The following CCDC192 variants were observed in gnomAD, a reference collection of about 807,000 sequenced individuals.
CCDC192 encodes coiled-coil domain-containing protein 192.
intron 5 of CCDC192, among the ~76,000 whole-genome samples, chr5:127,858,651 G>A (rs975985632): frequency 7.2e-5 from 11 of 152,128 alleles, no homozygotes; most frequent in Admixed American, 5.2e-4. Context: ...GTTTGTCTGC[G>A]ATAAACAAAT....
intron 3 of CCDC192, among the ~76,000 whole-genome samples, chr5:127,792,242 C>T (rs181410953): frequency 3.3e-5 from 5 of 152,184 alleles, no homozygotes; most frequent in South Asian, 2.1e-4. Flanking sequence ...AACATGACTA[C>T]GAGGCCTCAG....
intron 6 of CCDC192, among the ~76,000 whole-genome samples, chr5:127,879,071 T>C (rs896870072): frequency 5.9e-5 from 9 of 151,748 alleles, no homozygotes; most frequent in Non-Finnish European, 1.2e-4. Flanking sequence ...CCTGAGACTT[T>C]GCTGAAGTTG....
At chr5:127,918,864 T>TGC (rs397725026) in intron 6 of CCDC192, among the ~76,000 whole-genome samples, 1 of 151,844 alleles carries the variant, frequency 6.6e-6, no homozygotes, top group East Asian at 1.9e-4. Flanking sequence ...TGCATGTGTG[T>TGC]ATATATGTAT....
At chr5:127,779,259 T>C (rs1054953073) in intron 3 of CCDC192, among the ~76,000 whole-genome samples, 1 of 152,180 alleles carries the variant, frequency 6.6e-6, no homozygotes, top group African/African-American at 2.4e-5. Context: ...ACATTTTATA[T>C]GTGCATATAT....
At chr5:127,876,098 A>G (rs1241144621) in intron 6 of CCDC192, among the ~76,000 whole-genome samples, 1 of 146,992 alleles carries the variant, frequency 6.8e-6, no homozygotes, top group Non-Finnish European at 1.5e-5. Flanking sequence ...CAATAGGCAA[A>G]TGAACCAGAA....
intron 2 of CCDC192, among the ~76,000 whole-genome samples, chr5:127,753,585 G>T (rs1388841714): frequency 6.6e-6 from 1 of 151,894 alleles, no homozygotes; most frequent in Non-Finnish European, 1.5e-5. Flanking sequence ...AATCTCCAGG[G>T]GCTGAGACAG....
At chr5:127,913,444 A>G (rs9327454) in intron 6 of CCDC192, among the ~76,000 whole-genome samples, 31,315 of 152,160 alleles carry the variant, frequency 0.21, 3,371 homozygotes, top group East Asian at 0.32. Flanking sequence ...ACCAAAGAGA[A>G]AGAAAATATC....
At chr5:127,893,767 C>T (rs1329995556) in intron 6 of CCDC192, among the ~76,000 whole-genome samples, 1 of 152,098 alleles carries the variant, frequency 6.6e-6, no homozygotes, top group African/African-American at 2.4e-5. Flanking sequence ...TGTGTGGGGA[C>T]GGGGTGTCAA....
chr5:127,808,893 A>G (rs766040427), intron 5 of CCDC192, among the ~76,000 whole-genome samples: 1 of 152,204 alleles, frequency 6.6e-6, no homozygotes, highest in Non-Finnish European at 1.5e-5. Context: ...AAGTGAGAGA[A>G]TGTATAAATG....
chr5:127,903,482 A>T (rs1753108902), intron 6 of CCDC192, among the ~76,000 whole-genome samples: 1 of 152,126 alleles, frequency 6.6e-6, no homozygotes, highest in Non-Finnish European at 1.5e-5. Context: ...ACTTCAGGTG[A>T]TTCGCCCGCC....
chr5:127,704,422 A>G (rs936882822), intron 1 of CCDC192, among the ~76,000 whole-genome samples: 2 of 152,202 alleles, frequency 1.3e-5, no homozygotes, highest in Non-Finnish European at 2.9e-5. Context: ...TCCTGACCTC[A>G]GGTGATCTGC....
intron 3 of CCDC192, among the ~76,000 whole-genome samples, chr5:127,766,007 TA>T (rs1288357346): frequency 6.6e-6 from 1 of 152,256 alleles, no homozygotes; most frequent in East Asian, 1.9e-4. Context: ...GTCAGCTTCT[TA>T]AGCCTATTTT....
At chr5:127,829,453 A>G (rs910186455) in intron 5 of CCDC192, among the ~76,000 whole-genome samples, 2 of 152,332 alleles carry the variant, frequency 1.3e-5, no homozygotes, top group Non-Finnish European at 2.9e-5. Flanking sequence ...AATATCTATG[A>G]CAGCACTATA....
intron 1 of CCDC192, among the ~76,000 whole-genome samples, chr5:127,705,026 G>A (rs752874645): frequency 2.2e-4 from 33 of 151,708 alleles, no homozygotes; most frequent in South Asian, 6.2e-4. Flanking sequence ...GAAAAATGCC[G>A]TATCATTACT....
intron 5 of CCDC192, among the ~76,000 whole-genome samples, chr5:127,849,800 G>A (rs925070268): frequency 1.7e-4 from 26 of 152,204 alleles, no homozygotes; most frequent in Non-Finnish European, 3.7e-4. Flanking sequence ...AAGACTTACA[G>A]CTCAGGATCC....
chr5:127,747,081 T>A (rs185497515), intron 2 of CCDC192, among the ~76,000 whole-genome samples: 221 of 150,774 alleles, frequency 1.5e-3, no homozygotes, highest in African/African-American at 5.1e-3. Context: ...TTTTTTTTTT[T>A]ATTTCTTGTT....
intron 2 of CCDC192, among the ~76,000 whole-genome samples, chr5:127,719,568 CATATATAT>C (rs142203401): frequency 5.2e-5 from 1 of 19,058 alleles, no homozygotes; most frequent in East Asian, 1.7e-3. Flanking sequence ...TACACACATA[CATATATAT>C]ATATACCAAG....
At chr5:127,724,016 G>C (rs1219159092) in intron 2 of CCDC192, among the ~76,000 whole-genome samples, 1 of 152,156 alleles carries the variant, frequency 6.6e-6, no homozygotes, top group Non-Finnish European at 1.5e-5. Context: ...TTCTAAGTTT[G>C]ATTAGAGCTT....
rs1756445857 is a variant in CCDC192 at position 127,784,843 on chromosome 5, G to A, written c.223-12260G>A. On this transcript the variant is annotated intron_variant, in intron 3 of 6. Coordinates refer to ENST00000514853, the MANE Select transcript of CCDC192 (RefSeq NM_001317938.2). ...GTTTGCAGTCTTCCTCAATATTTTT[G>A]TTTGTGTTTTCTTGTTCCTGCTTCT... The A allele has an allele frequency of 6.5e-6, 3 of 458,376 alleles. No homozygotes were observed. The Admixed American group carries it at 8.2e-5, about 13-fold the overall frequency. The allele number at this position is 458,376 out of a possible 1,614,324, so 28.4% of individuals were successfully genotyped here. A position where few individuals can be genotyped will look rare whatever the true frequency, so the allele number is the denominator to read the frequency against.
Sources: gnomAD v4.1 joint callset for allele counts (sites outside exome capture counted in the v4.1 genomes callset) on GRCh38, gnomAD v4.1.1 for gene constraint, MANE v1.5 for transcripts, NCBI Gene and HGNC (gene_info 2026-07-23, HGNC 2026-07-21) for gene names.